Variants in CPSF3 observed in about 807,000 individuals in gnomAD.
The protein encoded by CPSF3 is cleavage and polyadenylation specificity factor subunit 3.
Under a neutral mutation model 84.1 loss-of-function variants are expected in CPSF3, and 57 were observed. The ratio of observed to expected loss-of-function variants is 0.68; its 90% CI spans 0.55 to 0.85. CPSF3 has a LOEUF of 0.85. Ranked by LOEUF, CPSF3 falls within the 40% of genes least tolerant of loss-of-function variation. CPSF3 has a pLI of 0.00. For missense variants in CPSF3, 522 were observed against 838.8 expected (o/e 0.62, Z 4.66); for synonymous variants, 275 against 278.1 (o/e 0.99, Z 0.11).
chr2:9,464,186 C>T (rs977109018), intron 15 of CPSF3, among the ~76,000 whole-genome samples: 1 of 152,060 alleles, frequency 6.6e-6, no homozygotes, highest in African/African-American at 2.4e-5. Context: ...TATTCCATAA[C>T]ATTCTTCTAT....
At chr2:9,448,150 A>T in intron 10 of CPSF3, 48 bp from the exon 11 acceptor site, 1 of 1,101,872 alleles carries the variant, frequency 9.1e-7, no homozygotes, top group Non-Finnish European at 1.3e-6. Context: ...GACCATGATT[A>T]AGCTGAATGA....
chr2:9,469,921 A>G (rs4594414), intron 16 of CPSF3, among the ~76,000 whole-genome samples: 10,537 of 152,302 alleles, frequency 0.069, 1,252 homozygotes, highest in African/African-American at 0.24. Flanking sequence ...TGTTTAAAAT[A>G]TAATTTTTTT....
intron 16 of CPSF3, among the ~76,000 whole-genome samples, chr2:9,469,261 G>A (rs1024313535): frequency 2.0e-5 from 3 of 152,080 alleles, no homozygotes; most frequent in Admixed American, 6.5e-5. Context: ...GCTGTGGGGC[G>A]GGGGCAGGGG....
At chr2:9,424,988 C>G (rs1680323362) in intron 1 of CPSF3, 1 of 152,172 alleles carries the variant, frequency 6.6e-6, no homozygotes, top group African/African-American at 2.4e-5. Context: ...AATAGCTAAT[C>G]TAAGAACGCA....
At chr2:9,452,721 T>C (rs563313407) in intron 11 of CPSF3, among the ~76,000 whole-genome samples, 192 bp from the exon 12 acceptor site, 1 of 152,344 alleles carries the variant, frequency 6.6e-6, no homozygotes, top group South Asian at 2.1e-4. Context: ...GACTCTTCCC[T>C]TTGACATTGG....
intron 17 of CPSF3, among the ~76,000 whole-genome samples, chr2:9,472,328 A>AG (rs1682198459): frequency 6.6e-6 from 1 of 152,020 alleles, no homozygotes; most frequent in East Asian, 1.9e-4. Flanking sequence ...TCAAAAAAAA[A>AG]AAAAAAAAGA....
At chr2:9,441,636 A>G in intron 8 of CPSF3, 182 bp from the exon 9 acceptor site, 1 of 612,838 alleles carries the variant, frequency 1.6e-6, no homozygotes, top group Non-Finnish European at 2.8e-6. Flanking sequence ...TGGTTTTTCT[A>G]CCATTCCTAG....
At chr2:9,434,299 G>A (rs1281852752) in intron 6 of CPSF3, among the ~76,000 whole-genome samples, 2 of 151,984 alleles carry the variant, frequency 1.3e-5, no homozygotes, top group East Asian at 1.9e-4. Flanking sequence ...AACCCAGAAG[G>A]TGGAGGTTGC....
intron 14 of CPSF3, among the ~76,000 whole-genome samples, chr2:9,459,094 G>C (rs1027744509): frequency 6.6e-6 from 1 of 151,442 alleles, no homozygotes; most frequent in African/African-American, 2.4e-5. Context: ...CCTGGGCAAT[G>C]GGAGCAAAAT....
At chr2:9,469,616 C>T (rs1682094808) in intron 16 of CPSF3, among the ~76,000 whole-genome samples, 1 of 152,166 alleles carries the variant, frequency 6.6e-6, no homozygotes, top group Non-Finnish European at 1.5e-5. Flanking sequence ...CTTCCCTGTC[C>T]TCCTGACACC....
At chr2:9,469,971 T>C (rs1682107078) in intron 16 of CPSF3, among the ~76,000 whole-genome samples, 1 of 152,194 alleles carries the variant, frequency 6.6e-6, no homozygotes. Context: ...CCCAGCACTT[T>C]GGGAAGCCAA....
intron 11 of CPSF3, among the ~76,000 whole-genome samples, chr2:9,448,563 TG>T (rs1210682484): frequency 6.9e-6 from 1 of 144,662 alleles, no homozygotes; most frequent in Admixed American, 8.6e-5. Context: ...AGATTTTTTG[TG>T]TGTGTGTGTG....
rs576988257 is a variant in CPSF3 at position 9,440,394 on chromosome 2, T to A, written c.761-97T>A. The A allele has an allele frequency of 3.1e-6, 3 of 952,778 alleles. No individual in the cohort carries two copies. The South Asian group carries it at 5.2e-5, about 17-fold the overall frequency. The allele number at this position is 952,778 out of a possible 1,614,324, so 59.0% of individuals were successfully genotyped here. A position where few individuals can be genotyped will look rare whatever the true frequency, so the allele number is the denominator to read the frequency against. Reference sequence around the variant, plus strand: ...AGTTGTGTGCTTTATTTCTTGGTTGTATGTGTATCATTTCTTGTTCTGTGT... The same window carrying A: ...AGTTGTGTGCTTTATTTCTTGGTTGAATGTGTATCATTTCTTGTTCTGTGT... On this transcript the variant is annotated intron_variant, in intron 7 of 17. Coordinates refer to ENST00000238112, the MANE Select transcript of CPSF3 (RefSeq NM_016207.4).
chr2:9,430,822 A>G lies in CPSF3; in HGVS notation c.283A>G (p.Met95Val), dbSNP rs764674689. ...GACAAGTTTCAAAGGAAGAACATTT[A>G]TGACTCATGCCACAAAAGCTATTTA... ...QKTSFKGRTF[M>V]THATKAIYRW... is the part of the protein sequence containing the mutation. The change falls in exon 4 of 18, where the codon ATG becomes GTG. Residue 95 changes from methionine (M) to valine (V), a missense_variant. Physicochemically the swap from Met to Val is conservative, Grantham distance 21. This residue lies in a region of CPSF3 where 329 missense variants were observed against 607.2 expected (regional missense o/e 0.54). Coordinates refer to ENST00000238112, the MANE Select transcript of CPSF3 (RefSeq NM_016207.4). 1 of 1,613,264 alleles carries G rather than the reference A, an allele frequency of 6.2e-7. No individual in the cohort carries two copies. Among genetic ancestry groups the G allele is most frequent in the Non-Finnish European group, 8.5e-7 (1 of 1,179,242 alleles).
intron 12 of CPSF3, among the ~76,000 whole-genome samples, chr2:9,454,416 A>G (rs553308771): frequency 6.6e-6 from 1 of 152,252 alleles, no homozygotes; most frequent in Non-Finnish European, 1.5e-5. Context: ...TCAAAAAAGA[A>G]AGAAAGAAAT....
intron 11 of CPSF3, among the ~76,000 whole-genome samples, chr2:9,448,705 C>T (rs913733417): frequency 9.2e-5 from 14 of 152,064 alleles, no homozygotes; most frequent in African/African-American, 2.2e-4. Flanking sequence ...TACAGGTGCG[C>T]GCCACCACGC....
At chr2:9,423,875 G>T in intron 1 of CPSF3, 52 bp downstream of exon 1, 1 of 1,602,358 alleles carries the variant, frequency 6.2e-7, no homozygotes. Context: ...AGGGGCGCGA[G>T]GGGTAACCGG....
At chr2:9,460,024 T>G (rs565956753) in intron 15 of CPSF3, among the ~76,000 whole-genome samples, 1 of 152,252 alleles carries the variant, frequency 6.6e-6, no homozygotes, top group South Asian at 2.1e-4. Context: ...CTAACAAACT[T>G]GATCATTTCT....
chr2:9,466,200 ACACACACG>A lies in CPSF3; in HGVS notation c.1787-1505_1787-1498del, dbSNP rs1558465919. 2.0e-5 allele frequency among the ~76,000 whole-genome samples: 3 copies of A among 150,414 alleles called. No homozygotes were observed. In the East Asian group the frequency reaches 5.9e-4, roughly 29 times the overall value. ...TACACGCACACACACACGCGCTCACACACACACGCGCACACACGCACGCACACACACAC... is the reference window on the plus strand; with the variant it reads ...TACACGCACACACACACGCGCTCACACGCACACACGCACGCACACACACAC... On this transcript the variant is annotated intron_variant, in intron 15 of 17. Coordinates refer to ENST00000238112, the MANE Select transcript of CPSF3 (RefSeq NM_016207.4).
Sources: gnomAD v4.1 joint callset for allele counts (sites outside exome capture counted in the v4.1 genomes callset) on GRCh38, gnomAD v4.1.1 for gene constraint, gnomAD v4.1.1 regional missense constraint, MANE v1.5 for transcripts, NCBI Gene and HGNC (gene_info 2026-07-23, HGNC 2026-07-21) for gene names.